The following PPP3CA variants were observed in gnomAD, a reference collection of about 807,000 sequenced individuals.
PPP3CA encodes CAM-PRP catalytic subunit.
PPP3CA carries 14 observed loss-of-function variants against 66.5 expected under a neutral mutation model. The observed-to-expected ratio is 0.21, with a 90% confidence interval of 0.14 to 0.33. PPP3CA has a LOEUF of 0.33. PPP3CA is among the 10% of genes least tolerant of loss of function. PPP3CA has a pLI of 1.00. For missense variants in PPP3CA, 317 were observed against 639.5 expected (o/e 0.50, Z 5.44); for synonymous variants, 232 against 226.2 (o/e 1.03, Z -0.23).
rs575861563 is a variant in PPP3CA at position 101,098,451 on chromosome 4, G to C, written c.558C>G (p.Pro186=). The C allele has an allele frequency of 6.2e-7, 1 of 1,612,312 alleles. No individual in the cohort carries two copies. Among genetic ancestry groups the C allele is most frequent in the South Asian group, 1.1e-5 (1 of 90,812 alleles). The change falls in exon 5 of 14, where the codon CCC becomes CCG. Residue 186 remains proline, a synonymous_variant. Transcript: ENST00000394854. ...DACMDAFDCL[P]LAALMNQQFL... Reference sequence around the variant, plus strand: ...ACTGTTGGTTCATCAGGGCAGCCAGGGGAAGGCAGTCAAAGGCATCCATAC... The same window carrying C: ...ACTGTTGGTTCATCAGGGCAGCCAGCGGAAGGCAGTCAAAGGCATCCATAC...
At chr4:101,070,296 G>A (rs1284007943) in intron 8 of PPP3CA, among the ~76,000 whole-genome samples, 1 of 151,972 alleles carries the variant, frequency 6.6e-6, no homozygotes, top group East Asian at 1.9e-4. Context: ...AGAGAGGAAA[G>A]AAACACAAAG....
chr4:101,115,806 G>C (rs910037613), intron 2 of PPP3CA, among the ~76,000 whole-genome samples: 1 of 151,814 alleles, frequency 6.6e-6, no homozygotes. Flanking sequence ...TGTATGAAAG[G>C]GAAATCCGTT....
chr4:101,253,032 G>A (rs1726727909), intron 1 of PPP3CA, among the ~76,000 whole-genome samples: 1 of 152,068 alleles, frequency 6.6e-6, no homozygotes. Flanking sequence ...AAGAAACTGT[G>A]AAACCAACTC....
chr4:101,124,877 A>G (rs907100573), intron 2 of PPP3CA, among the ~76,000 whole-genome samples: 26 of 152,212 alleles, frequency 1.7e-4, no homozygotes, highest in African/African-American at 5.8e-4. Flanking sequence ...GCTCTTTCAC[A>G]TTGATATTCA....
At chr4:101,292,278 A>T (rs1382325728) in intron 1 of PPP3CA, among the ~76,000 whole-genome samples, 1 of 152,198 alleles carries the variant, frequency 6.6e-6, no homozygotes, top group Non-Finnish European at 1.5e-5. Context: ...AAATTAAAAT[A>T]TGGGTGTTTT....
intron 1 of PPP3CA, among the ~76,000 whole-genome samples, chr4:101,201,685 G>C (rs1560655631): frequency 1.3e-5 from 2 of 152,236 alleles, no homozygotes; most frequent in African/African-American, 4.8e-5. Context: ...TGTGGCTACT[G>C]TGTGAACAAG....
At chr4:101,337,895 G>A (rs998704152) in intron 1 of PPP3CA, among the ~76,000 whole-genome samples, 4 of 152,216 alleles carry the variant, frequency 2.6e-5, no homozygotes, top group Non-Finnish European at 4.4e-5. Flanking sequence ...GCCATCAGGA[G>A]AGGTGACTCA....
Position 101,156,439 on chromosome 4 carries a change from G to A in PPP3CA, c.259+39477C>T, listed in dbSNP as rs1363031649. ...CTCCCGCCTGTAATCCCAGCACTTT[G>A]GGAGGCTGAGGCCGGCAGATCACCT... On this transcript the variant is annotated intron_variant, in intron 2 of 13. Transcript: ENST00000394854. 2.0e-5 allele frequency among the ~76,000 whole-genome samples: 3 copies of A among 152,216 alleles called. No individual in the cohort carries two copies. The East Asian group carries it at 5.8e-4, about 29-fold the overall frequency.
intron 8 of PPP3CA, among the ~76,000 whole-genome samples, chr4:101,077,905 T>C (rs1382537365): frequency 1.3e-5 from 2 of 150,996 alleles, no homozygotes; most frequent in Non-Finnish European, 2.9e-5. Context: ...ATTTGAGAAA[T>C]AGCTACTGGT....
At chr4:101,294,542 T>TTC (rs1728131657) in intron 1 of PPP3CA, among the ~76,000 whole-genome samples, 2 of 35,944 alleles carry the variant, frequency 5.6e-5, no homozygotes, top group Non-Finnish European at 9.0e-5. Context: ...ATTTAATCAT[T>TTC]TATATTAAGG....
At chr4:101,054,698 G>A (rs10026659) in intron 10 of PPP3CA, among the ~76,000 whole-genome samples, 9,676 of 151,978 alleles carry the variant, frequency 0.064, 353 homozygotes, top group African/African-American at 0.093. Context: ...TATTAGATAC[G>A]AAGAATTATC....
chr4:101,059,858 T>C (rs887852317), intron 10 of PPP3CA, among the ~76,000 whole-genome samples: 1 of 152,144 alleles, frequency 6.6e-6, no homozygotes, highest in Non-Finnish European at 1.5e-5. Flanking sequence ...TAGCCCTGGG[T>C]GTCCTGAATC....
intron 2 of PPP3CA, among the ~76,000 whole-genome samples, chr4:101,166,298 C>T (rs1343866759): frequency 1.3e-5 from 2 of 152,114 alleles, no homozygotes; most frequent in Non-Finnish European, 2.9e-5. Flanking sequence ...TGTCTGATAA[C>T]CCATTTTCGT....
chr4:101,282,825 C>T lies in PPP3CA; in HGVS notation c.58+63914G>A, dbSNP rs116566399. Among the ~76,000 whole-genome samples, 763 of 152,204 alleles carry T rather than the reference C, an allele frequency of 5.0e-3. 6 individuals are homozygous for T. Among genetic ancestry groups the T allele is most frequent in the African/African-American group, 0.017 (716 of 41,526 alleles). On this transcript the variant is annotated intron_variant, in intron 1 of 13. Coordinates refer to ENST00000394854, the MANE Select transcript of PPP3CA (RefSeq NM_000944.5). ...AGGAAAACCTGTTTCCGGGGCAGTCCCCAACATATTTAGCATGGACTTTTA... is the reference window on the plus strand; with the variant it reads ...AGGAAAACCTGTTTCCGGGGCAGTCTCCAACATATTTAGCATGGACTTTTA...
chr4:101,114,501 T>TA (rs1035399273), intron 2 of PPP3CA, among the ~76,000 whole-genome samples: 1 of 152,098 alleles, frequency 6.6e-6, no homozygotes, highest in Non-Finnish European at 1.5e-5. Context: ...TCTATCTTGG[T>TA]AATTTCCCTA....
intron 11 of PPP3CA, among the ~76,000 whole-genome samples, chr4:101,034,026 T>C (rs1176353173): frequency 1.1e-4 from 16 of 152,212 alleles, no homozygotes. Context: ...GGGTGAGGCT[T>C]TTCATACCTA....
chr4:101,062,831 T>TAATGTAA (rs1728527041), intron 9 of PPP3CA, among the ~76,000 whole-genome samples: 1 of 152,026 alleles, frequency 6.6e-6, no homozygotes, highest in African/African-American at 2.4e-5. Context: ...AAGGAGAGCA[T>TAATGTAA]GGCTATCCTA....
intron 2 of PPP3CA, among the ~76,000 whole-genome samples, chr4:101,120,419 C>G (rs1013614198): frequency 9.2e-5 from 14 of 151,988 alleles, no homozygotes; most frequent in African/African-American, 3.4e-4. Context: ...GTGGATTTCC[C>G]TCTCTGTACT....
intron 1 of PPP3CA, among the ~76,000 whole-genome samples, chr4:101,314,394 C>T (rs2110314235): frequency 6.6e-6 from 1 of 151,874 alleles, no homozygotes; most frequent in South Asian, 2.1e-4. Flanking sequence ...GAAACCCCGT[C>T]TCTACTAAAA....
Sources: allele counts gnomAD v4.1 joint callset (sites outside exome capture counted in the v4.1 genomes callset), GRCh38; gene constraint gnomAD v4.1.1; transcripts MANE v1.5; gene names NCBI Gene and HGNC (gene_info 2026-07-23, HGNC 2026-07-21).